Variants in APBA2 observed in about 807,000 individuals in gnomAD.
APBA2 encodes amyloid beta precursor protein binding family A member 2, also known as amyloid-beta A4 precursor protein-binding family A member 2.
In APBA2, 30 loss-of-function variants were observed where a neutral mutation model predicts 75.0. The observed-to-expected ratio is 0.40, with a 90% CI of 0.30 to 0.54. The LOEUF is 0.54. APBA2 is among the 20% of genes least tolerant of loss of function. APBA2 has a pLI of 0.49. For missense variants in APBA2, 801 were observed against 1,016.1 expected (o/e 0.79, Z 2.88); for synonymous variants, 444 against 409.6 (o/e 1.08, Z -1.01).
chr15:28,891,934 A>T (rs977851895), intron 1 of APBA2, among the ~76,000 whole-genome samples: 5 of 152,146 alleles, frequency 3.3e-5, no homozygotes, highest in African/African-American at 7.2e-5. Context: ...TTTATTTTTT[A>T]AAAAAATTTA....
chr15:29,078,381 G>T (rs528796232), intron 6 of APBA2, among the ~76,000 whole-genome samples: 1 of 152,268 alleles, frequency 6.6e-6, no homozygotes, highest in East Asian at 1.9e-4. Context: ...GGGAGGCCAA[G>T]GTGGGTGGAT....
chr15:29,071,741 C>G (rs1463891377), intron 4 of APBA2, among the ~76,000 whole-genome samples: 1 of 151,370 alleles, frequency 6.6e-6, no homozygotes, highest in Non-Finnish European at 1.5e-5. Flanking sequence ...CAAGCCCACC[C>G]TCCTGCCTCT....
intron 2 of APBA2, among the ~76,000 whole-genome samples, chr15:28,928,532 A>G (rs2034399882): frequency 6.6e-6 from 1 of 151,916 alleles, no homozygotes; most frequent in African/African-American, 2.4e-5. Context: ...CTGTGGTCCC[A>G]TTTCCCTGGG....
intron 2 of APBA2, among the ~76,000 whole-genome samples, chr15:28,964,531 A>G (rs377096318): frequency 6.9e-6 from 1 of 144,858 alleles, no homozygotes. Flanking sequence ...CTTGTCTTCC[A>G]GGCTGTAGTG....
intron 3 of APBA2, among the ~76,000 whole-genome samples, chr15:29,036,378 G>A (rs879517471): frequency 6.6e-5 from 10 of 152,260 alleles, no homozygotes; most frequent in Admixed American, 6.5e-4. Flanking sequence ...TTGAGGAAGG[G>A]GTGCTTCAGC....
chr15:28,959,155 A>G (rs988091476), intron 2 of APBA2, among the ~76,000 whole-genome samples: 1 of 151,974 alleles, frequency 6.6e-6, no homozygotes, highest in Non-Finnish European at 1.5e-5. Flanking sequence ...TGCCCAGCTA[A>G]TTTTTGTATT....
intron 10 of APBA2, among the ~76,000 whole-genome samples, chr15:29,103,622 C>T (rs1020585109): frequency 1.3e-5 from 2 of 152,220 alleles, no homozygotes; most frequent in Admixed American, 1.3e-4. Context: ...AGCCGGCTCC[C>T]CGGGCTTGGA....
intron 1 of APBA2, among the ~76,000 whole-genome samples, chr15:28,904,865 G>A (rs1034163508): frequency 5.9e-5 from 9 of 152,334 alleles, no homozygotes; most frequent in African/African-American, 2.2e-4. Context: ...GGCAGTGGGA[G>A]TGGGGCTGGA....
rs374713107 is a variant in APBA2, at chr15:29,046,653, A to C, written c.-40-7192A>C. Among the ~76,000 whole-genome samples, 15 of 152,318 alleles carry C rather than the reference A, an allele frequency of 9.8e-5. No homozygotes were observed. The highest frequency in any genetic ancestry group is 3.9e-4 in the East Asian group (2 of 5,178). ...GCTCTAGACCTGGCCTTTGGCCCACAACCTTGGAATCTTGGGCCATGAACC... is the reference window on the plus strand; with the variant it reads ...GCTCTAGACCTGGCCTTTGGCCCACCACCTTGGAATCTTGGGCCATGAACC... On this transcript the variant is annotated intron_variant, in intron 3 of 14. Coordinates refer to ENST00000683413, the MANE Select transcript of APBA2 (RefSeq NM_001353788.2). This position sits in a 1 kb window ranked among gnomAD's most constrained non-coding sequence, Gnocchi z 5.0.
At chr15:28,987,832 C>T (rs2038011232) in intron 2 of APBA2, among the ~76,000 whole-genome samples, 1 of 149,390 alleles carries the variant, frequency 6.7e-6, no homozygotes, top group African/African-American at 2.5e-5. Flanking sequence ...TCTCAGCTCA[C>T]CGCAACCTCC....
intron 14 of APBA2, 83 bp downstream of exon 14, chr15:29,114,099 AGGACACAG>A: frequency 6.3e-7 from 1 of 1,592,216 alleles, no homozygotes; most frequent in Admixed American, 1.7e-5. Flanking sequence ...CCCGCTCCAG[AGGACACAG>A]GGCATCTGAA....
Position 29,117,164 on chromosome 15 carries a change from ACCGGGCAGGGCCGC to A in APBA2, c.*38_*51del. 6.2e-7 allele frequency: 1 copy of A among 1,608,970 alleles called. No homozygotes were observed. The highest frequency in any genetic ancestry group is 8.5e-7 in the Non-Finnish European group (1 of 1,176,608). ...CCCAGCCTGGCCACGCAGCCAGGAC[ACCGGGCAGGGCCGC>A]CCGGGCCCAGAGGAGCTGGGAGCCG... On this transcript the variant is annotated 3_prime_UTR_variant, in exon 15 of 15. Coordinates refer to ENST00000683413, the MANE Select transcript of APBA2 (RefSeq NM_001353788.2).
At chr15:29,077,752 T>G (rs1284165505) in intron 6 of APBA2, among the ~76,000 whole-genome samples, 1 of 152,208 alleles carries the variant, frequency 6.6e-6, no homozygotes, top group Admixed American at 6.5e-5. Flanking sequence ...TTGATTGTTA[T>G]GAAAACATAG....
chr15:29,003,160 T>C (rs1213853171), intron 3 of APBA2, among the ~76,000 whole-genome samples: 2 of 151,960 alleles, frequency 1.3e-5, no homozygotes, highest in African/African-American at 4.8e-5. Flanking sequence ...GGAAGGGATA[T>C]GTGCTTTCCA....
chr15:29,070,554 A>T (rs2042574257), intron 4 of APBA2: 1 of 154,352 alleles, frequency 6.5e-6, no homozygotes, highest in Non-Finnish European at 1.4e-5. Flanking sequence ...CAAGATAAAC[A>T]TCACAGGAGT....
chr15:29,105,480 A>G lies in APBA2; in HGVS notation c.1626A>G (p.Glu542=), dbSNP rs1237438246. The G allele has an allele frequency of 5.6e-6, 9 of 1,613,980 alleles. No individual in the cohort carries two copies. In the South Asian group the frequency reaches 9.9e-5, roughly 18 times the overall value. The change falls in exon 11 of 15, where the codon GAA becomes GAG. Residue 542 remains glutamate (E), a synonymous_variant. Transcript: ENST00000683413. ...GINPEDLSQK[E]YSDIINTQEM... is the part of the protein sequence containing the mutation. ...ACCCCGAAGACTTGAGCCAGAAGGAATACAGCGACATCATCAACACCCAGG... is the reference window on the plus strand; with the variant it reads ...ACCCCGAAGACTTGAGCCAGAAGGAGTACAGCGACATCATCAACACCCAGG...
At chr15:29,062,256 A>T (rs1163455122) in intron 4 of APBA2, among the ~76,000 whole-genome samples, 4 of 152,164 alleles carry the variant, frequency 2.6e-5, no homozygotes, top group Non-Finnish European at 4.4e-5. Flanking sequence ...TGCTCTGCAT[A>T]CGGGGAGGCT....
intron 2 of APBA2, among the ~76,000 whole-genome samples, chr15:28,926,235 C>T (rs1875307567): frequency 1.3e-5 from 2 of 152,138 alleles, no homozygotes; most frequent in South Asian, 4.1e-4. Flanking sequence ...CTGTACTTGC[C>T]AGAGACTTCT....
chr15:28,948,578 T>A (rs1365657049), intron 2 of APBA2, among the ~76,000 whole-genome samples: 2 of 152,208 alleles, frequency 1.3e-5, no homozygotes, highest in East Asian at 3.9e-4. Flanking sequence ...AGCCACAGCC[T>A]TTGCTTACGG....
Sources: allele counts gnomAD v4.1 joint callset (sites outside exome capture counted in the v4.1 genomes callset), GRCh38; gene constraint gnomAD v4.1.1; non-coding constraint Gnocchi (gnomAD v3.1); transcripts MANE v1.5; gene names NCBI Gene and HGNC (gene_info 2026-07-23, HGNC 2026-07-21).